Variants in HHIP observed in about 807,000 individuals in gnomAD.
The protein encoded by HHIP is hedgehog interacting protein.
HHIP carries 12 observed loss-of-function variants against 74.0 expected under a neutral mutation model. The ratio of observed to expected loss-of-function variants is 0.16; its 90% confidence interval spans 0.10 to 0.26. The LOEUF (loss-of-function observed/expected upper bound fraction) is 0.26. Among genes scored for constraint, HHIP ranks in the 10% least tolerant of loss-of-function variants. The pLI, the probability that HHIP is intolerant of heterozygous loss-of-function variation, is 1.00. For missense variants in HHIP, 788 were observed against 845.0 expected, an observed-to-expected ratio of 0.93 and a Z score of 0.84; for synonymous variants, 309 against 311.6, an observed-to-expected ratio of 0.99 and a Z score of 0.09.
chr4:144,681,180 G>A (rs1368105412), intron 4 of HHIP, among the ~76,000 whole-genome samples: 4 of 152,018 alleles, frequency 2.6e-5, no homozygotes, highest in African/African-American at 9.7e-5. Context: ...GAAACCCATT[G>A]AGACTAGATA....
intron 4 of HHIP, among the ~76,000 whole-genome samples, chr4:144,670,764 G>GAAAAAAAAAAAAA (rs1167213848): frequency 8.7e-4 from 48 of 54,888 alleles, no homozygotes; most frequent in East Asian, 1.2e-3. Flanking sequence ...CTTAAGATTT[G>GAAAAAAAAAAAAA]AAAAAAAAAA....
At chr4:144,728,878 A>G (rs989378238) in intron 11 of HHIP, among the ~76,000 whole-genome samples, 3 of 152,152 alleles carry the variant, frequency 2.0e-5, no homozygotes, top group African/African-American at 7.2e-5. Flanking sequence ...TGTATAATGC[A>G]TTGTTGTTTT....
intron 4 of HHIP, among the ~76,000 whole-genome samples, chr4:144,685,378 G>T (rs777519918): frequency 6.6e-6 from 1 of 152,150 alleles, no homozygotes; most frequent in Non-Finnish European, 1.5e-5. Context: ...AATATTTGGA[G>T]ATTTTTAAAT....
At chr4:144,702,561 G>T (rs1441617014) in intron 4 of HHIP, among the ~76,000 whole-genome samples, 1 of 152,220 alleles carries the variant, frequency 6.6e-6, no homozygotes, top group Non-Finnish European at 1.5e-5. Flanking sequence ...AGTCATTTGT[G>T]CTTGCTGTCC....
intron 4 of HHIP, among the ~76,000 whole-genome samples, chr4:144,670,764 GAAAAAAAAAAAA>G (rs1167213848): frequency 5.5e-5 from 3 of 54,890 alleles, no homozygotes; most frequent in South Asian, 1.1e-3. Flanking sequence ...CTTAAGATTT[GAAAAAAAAAAAA>G]AAAAAAAAAA....
intron 11 of HHIP, among the ~76,000 whole-genome samples, chr4:144,724,598 G>C (rs112959175): frequency 6.7e-6 from 1 of 149,764 alleles, no homozygotes; most frequent in African/African-American, 2.4e-5. Flanking sequence ...CATATCCATC[G>C]CCTTACCTAC....
chr4:144,648,685 G>C (rs1578672204), intron 1 of HHIP: 1 of 152,144 alleles, frequency 6.6e-6, no homozygotes, highest in East Asian at 1.9e-4. Flanking sequence ...ATATACTGAT[G>C]ATCTAGAGAC....
At chr4:144,692,395 T>C (rs1055436507) in intron 4 of HHIP, among the ~76,000 whole-genome samples, 2 of 152,160 alleles carry the variant, frequency 1.3e-5, no homozygotes, top group Admixed American at 6.6e-5. Flanking sequence ...TACTCTTCTC[T>C]TCCATTTCTC....
intron 4 of HHIP, among the ~76,000 whole-genome samples, chr4:144,676,143 GA>G (rs1258504181): frequency 6.6e-6 from 1 of 152,082 alleles, no homozygotes; most frequent in Non-Finnish European, 1.5e-5. Context: ...AAATGATGGG[GA>G]AAATATTAAA....
intron 12 of HHIP, among the ~76,000 whole-genome samples, chr4:144,735,758 C>T (rs954896205): frequency 1.3e-5 from 2 of 152,044 alleles, no homozygotes; most frequent in Non-Finnish European, 2.9e-5. Context: ...TTTTGTTTGT[C>T]CTCAAGATGT....
chr4:144,659,893 G>T (rs568237943), intron 4 of HHIP, 55 bp downstream of exon 4: 2 of 1,298,622 alleles, frequency 1.5e-6, no homozygotes, highest in Non-Finnish European at 2.2e-6. Context: ...TTTTATTTTA[G>T]TGTTACCTTC....
intron 7 of HHIP, among the ~76,000 whole-genome samples, chr4:144,711,043 A>T (rs569749183): frequency 1.0e-5 from 1 of 97,430 alleles, no homozygotes; most frequent in East Asian, 2.5e-4. Flanking sequence ...ATGAAGTTGC[A>T]AGTCCTCCCC....
At chr4:144,734,617 T>TAA (rs35694650) in intron 11 of HHIP, 124 bp from the exon 12 acceptor site, 6,082 of 569,224 alleles carry the variant, frequency 0.011, no homozygotes, top group Non-Finnish European at 0.013. Context: ...CTGAGTCACT[T>TAA]AAAAAAAAAA....
At chr4:144,668,131 A>C (rs1728927346) in intron 4 of HHIP, among the ~76,000 whole-genome samples, 1 of 151,520 alleles carries the variant, frequency 6.6e-6, no homozygotes, top group South Asian at 2.1e-4. Flanking sequence ...AGCCTGGCCG[A>C]CGTGGTGAAA....
At chr4:144,706,807 C>A in intron 5 of HHIP, 125 bp downstream of exon 5, 2 of 830,648 alleles carry the variant, frequency 2.4e-6, no homozygotes, top group Non-Finnish European at 3.7e-6. Context: ...AAATCATTAC[C>A]TCCATCTTGC....
In HHIP at chr4:144,701,686, G is replaced by C. The variant is rs79439104; in HGVS notation, c.832-4845G>C. Among the ~76,000 whole-genome samples the C allele has an allele frequency of 9.4e-3, 1,430 of 152,178 alleles. 23 individuals are homozygous for C. Among genetic ancestry groups the C allele is most frequent in the African/African-American group, 0.031 (1,272 of 41,516 alleles). On this transcript the variant is annotated intron_variant, in intron 4 of 12. Transcript: ENST00000296575. ...AAGTGTAAAATTAAAAAAAGAAATAGTTGGCAGTAACAACTAATGTCTTGA... is the reference window on the plus strand; with the variant it reads ...AAGTGTAAAATTAAAAAAAGAAATACTTGGCAGTAACAACTAATGTCTTGA...
intron 4 of HHIP, among the ~76,000 whole-genome samples, chr4:144,679,796 GT>G (rs1729285189): frequency 6.6e-6 from 1 of 152,102 alleles, no homozygotes; most frequent in Non-Finnish European, 1.5e-5. Context: ...AATATTTTCA[GT>G]ATTTCTTTAT....
intron 1 of HHIP, among the ~76,000 whole-genome samples, chr4:144,651,223 A>G (rs545007486): frequency 1.3e-5 from 2 of 152,192 alleles, no homozygotes; most frequent in East Asian, 3.9e-4. Flanking sequence ...CATTTAAGCA[A>G]TTGTTATTTA....
rs945346505 is a variant in HHIP at position 144,742,749 on chromosome 4, T to A, written c.*4792T>A. 1 of 149,362 alleles carries A rather than the reference T, an allele frequency of 6.7e-6. No individual in the cohort carries two copies. Among genetic ancestry groups the A allele is most frequent in the Admixed American group, 6.7e-5 (1 of 14,838 alleles). The allele number at this position is 149,362 out of a possible 1,614,324, so 9.3% of individuals were successfully genotyped here. ...TCTTTAAAATACCTAAAAATAAATA[T>A]ATATTTGCTATCTTATCCTCTTTTT... On this transcript the variant is annotated 3_prime_UTR_variant, in exon 13 of 13. Coordinates refer to ENST00000296575, the MANE Select transcript of HHIP (RefSeq NM_022475.3).
Sources: allele counts gnomAD v4.1 joint callset (sites outside exome capture counted in the v4.1 genomes callset), GRCh38; gene constraint gnomAD v4.1.1; transcripts MANE v1.5; gene names NCBI Gene and HGNC (gene_info 2026-07-23, HGNC 2026-07-21).